DOCK4: variants seen among roughly 807,000 people sequenced by gnomAD.
DOCK4 encodes the protein dedicator of cytokinesis protein 4.
DOCK4 carries 97 observed loss-of-function variants against 268.1 expected under a neutral mutation model. The ratio of observed to expected loss-of-function variants is 0.36; its 90% confidence interval spans 0.31 to 0.43. The LOEUF (loss-of-function observed/expected upper bound fraction) is 0.43, where lower values mean the gene tolerates loss of function less well. DOCK4 is among the 20% of genes least tolerant of loss of function. The probability of loss-of-function intolerance (pLI) is 1.00; values close to 1 mark genes in which losing one functional copy is unlikely to be tolerated. For missense variants in DOCK4, 2,145 were observed against 2,455.7 expected, an observed-to-expected ratio of 0.87 and a Z score of 2.67; for synonymous variants, 954 against 887.2, an observed-to-expected ratio of 1.08 and a Z score of -1.34.
chr7:112,161,000 G>T (rs1246837210), intron 1 of DOCK4, among the ~76,000 whole-genome samples: 1 of 152,144 alleles, frequency 6.6e-6, no homozygotes, highest in Non-Finnish European at 1.5e-5. Context: ...TTTGCAGGGG[G>T]ACAGAAAGAC....
intron 35 of DOCK4, among the ~76,000 whole-genome samples, chr7:111,782,354 C>T (rs914961566): frequency 1.3e-5 from 2 of 152,032 alleles, no homozygotes; most frequent in African/African-American, 4.8e-5. Context: ...ATTATGAATT[C>T]AATTTGCAAA....
chr7:112,141,774 A>T (rs890157762), intron 1 of DOCK4, among the ~76,000 whole-genome samples: 5 of 152,154 alleles, frequency 3.3e-5, no homozygotes, highest in African/African-American at 1.2e-4. Context: ...TGGACAATAA[A>T]TGACAATGAA....
intron 28 of DOCK4, among the ~76,000 whole-genome samples, chr7:111,809,830 A>T (rs1800952274): frequency 1.3e-5 from 2 of 152,366 alleles, no homozygotes; most frequent in South Asian, 4.1e-4. Context: ...TTTAACGTAG[A>T]ACTTGTAAAA....
intron 49 of DOCK4, 54 bp from the exon 50 acceptor site, chr7:111,737,043 C>T: frequency 2.7e-6 from 4 of 1,499,870 alleles, no homozygotes; most frequent in Non-Finnish European, 3.6e-6. Flanking sequence ...CATGTGAAAC[C>T]TTTCAGAAAA....
intron 32 of DOCK4, among the ~76,000 whole-genome samples, chr7:111,788,055 T>C (rs941825903): frequency 1.3e-5 from 2 of 152,210 alleles, no homozygotes; most frequent in Admixed American, 1.3e-4. Context: ...ATTCTATGGG[T>C]AGGGCAACCT....
At chr7:112,133,535 T>C (rs1270253884) in intron 1 of DOCK4, among the ~76,000 whole-genome samples, 4 of 152,060 alleles carry the variant, frequency 2.6e-5, no homozygotes, top group Non-Finnish European at 4.4e-5. Flanking sequence ...AGTTTGAGAC[T>C]AGCCTGGGGG....
At chr7:112,058,374 G>A (rs1806042132) in intron 1 of DOCK4, among the ~76,000 whole-genome samples, 1 of 152,100 alleles carries the variant, frequency 6.6e-6, no homozygotes. Flanking sequence ...GATGTAATAT[G>A]CTTAAATTAT....
intron 27 of DOCK4, among the ~76,000 whole-genome samples, chr7:111,818,510 A>G (rs1178379798): frequency 6.6e-6 from 1 of 151,994 alleles, no homozygotes; most frequent in East Asian, 1.9e-4. Context: ...TCCCACCCAC[A>G]CCCAGTCACT....
intron 1 of DOCK4, among the ~76,000 whole-genome samples, chr7:112,032,747 C>T (rs543867273): frequency 6.6e-6 from 1 of 152,116 alleles, no homozygotes; most frequent in African/African-American, 2.4e-5. Context: ...CCCACACTTG[C>T]CTTAAAAAGG....
chr7:112,078,575 T>A (rs1453178267), intron 1 of DOCK4, among the ~76,000 whole-genome samples: 1 of 152,174 alleles, frequency 6.6e-6, no homozygotes, highest in Non-Finnish European at 1.5e-5. Flanking sequence ...TAAGAGTTTG[T>A]CGAGTTTAAG....
intron 27 of DOCK4, chr7:111,819,802 C>G (rs191340574): frequency 6.6e-6 from 1 of 152,130 alleles, no homozygotes; most frequent in Admixed American, 6.5e-5. Context: ...ATTAAGCACA[C>G]GACTGGGTTA....
chr7:112,146,220 C>T (rs1036824943), intron 1 of DOCK4, among the ~76,000 whole-genome samples: 7 of 152,130 alleles, frequency 4.6e-5, no homozygotes, highest in Non-Finnish European at 1.0e-4. Context: ...TCGAATCAGC[C>T]TTTTTCTAAG....
At chr7:111,859,029 C>CT (rs200509269) in intron 23 of DOCK4, among the ~76,000 whole-genome samples, 2 of 152,082 alleles carry the variant, frequency 1.3e-5, no homozygotes, top group African/African-American at 4.8e-5. Flanking sequence ...TTGCTCCCCC[C>CT]TTTTTTTGAG....
In DOCK4 at chr7:112,018,179, A is replaced by AAAAAAAAAAAAC; in HGVS notation, c.38-14049_38-14048insGTTTTTTTTTTT. Among the ~76,000 whole-genome samples, 7 of 72,630 alleles carry AAAAAAAAAAAAC rather than the reference A, an allele frequency of 9.6e-5. 1 individual carries two copies. Among genetic ancestry groups the AAAAAAAAAAAAC allele is most frequent in the South Asian group, 8.8e-4 (2 of 2,262 alleles). 47.6% of individuals were successfully genotyped at this position (72,630 alleles called of 152,430 possible). On this transcript the variant is annotated intron_variant, in intron 1 of 52. Transcript: ENST00000428084. ...AAAAAAAAAAAAAAAAAAAAAAAAA[A>AAAAAAAAAAAAC]ACACAGGCAACCAGTATTCATGTGG... is the stretch of plus-strand genomic sequence containing the variant.
At chr7:111,989,892 A>AT (rs1443359006) in intron 5 of DOCK4, among the ~76,000 whole-genome samples, 1 of 152,206 alleles carries the variant, frequency 6.6e-6, no homozygotes, top group African/African-American at 2.4e-5. Context: ...TGGGCAGCAC[A>AT]TTCTTTCTGC....
chr7:112,203,330 G>A (rs951724122), intron 1 of DOCK4, among the ~76,000 whole-genome samples: 2 of 152,140 alleles, frequency 1.3e-5, no homozygotes, highest in African/African-American at 4.8e-5. Context: ...ACTTATGACT[G>A]ACTTTTCGTT....
intron 24 of DOCK4, among the ~76,000 whole-genome samples, chr7:111,846,530 T>G (rs1388220199): frequency 6.6e-6 from 1 of 152,178 alleles, no homozygotes; most frequent in East Asian, 1.9e-4. Context: ...CAAGTAATGG[T>G]TATACTGTAA....
intron 1 of DOCK4, among the ~76,000 whole-genome samples, chr7:112,007,001 G>A (rs536514563): frequency 6.6e-6 from 1 of 152,186 alleles, no homozygotes; most frequent in Non-Finnish European, 1.5e-5. Flanking sequence ...TCTATTTAGG[G>A]GGTTGCCTTC....
chr7:112,165,658 A>G (rs1304227254), intron 1 of DOCK4, among the ~76,000 whole-genome samples: 3 of 151,202 alleles, frequency 2.0e-5, no homozygotes, highest in Non-Finnish European at 2.9e-5. Context: ...GATAACTATT[A>G]CTCCCTTCTT....
Sources: allele counts gnomAD v4.1 joint callset (sites outside exome capture counted in the v4.1 genomes callset), GRCh38; gene constraint gnomAD v4.1.1; transcripts MANE v1.5; gene names NCBI Gene and HGNC (gene_info 2026-07-23, HGNC 2026-07-21).